CBL: variants seen among roughly 807,000 people sequenced by gnomAD.
CBL encodes the protein E3 ubiquitin-protein ligase CBL.
Under a neutral mutation model 96.9 loss-of-function variants are expected in CBL, and 45 were observed. That is an observed-to-expected ratio of 0.46 (90% CI 0.37 to 0.60). The LOEUF (loss-of-function observed/expected upper bound fraction) is 0.60. CBL is among the 20% of genes least tolerant of loss of function. CBL has a pLI of 0.00. For synonymous variants in CBL, 420 were observed against 426.8 expected, an observed-to-expected ratio of 0.98 and a Z score of 0.20; for missense variants, 1,024 against 1,143.5, an observed-to-expected ratio of 0.90 and a Z score of 1.51.
chr11:119,220,772 AAGTATACTGT>A (rs1260867175), intron 1 of CBL, among the ~76,000 whole-genome samples: 1 of 152,154 alleles, frequency 6.6e-6, no homozygotes, highest in African/African-American at 2.4e-5. Flanking sequence ...GATATTTGAG[AAGTATACTGT>A]AGTAACTACA....
intron 2 of CBL, among the ~76,000 whole-genome samples, chr11:119,255,525 ATATATT>A (rs1476936957): frequency 2.6e-5 from 4 of 152,056 alleles, no homozygotes; most frequent in Non-Finnish European, 5.9e-5. Flanking sequence ...GTCTGTAATT[ATATATT>A]TATAATTATA....
chr11:119,232,452 T>C lies in CBL; in HGVS notation c.200T>C (p.Val67Ala). ...CTTCTTTTTCATTTGTTGCAGGTGGTGCGGTTGTGTCAGAACCCAAAGCTG... is the reference window on the plus strand; with the variant it reads ...CTTCTTTTTCATTTGTTGCAGGTGGCGCGGTTGTGTCAGAACCCAAAGCTG... ...EKCWKLMDKV[V>A]RLCQNPKLAL... The change falls in exon 2 of 16, where the codon GTG (valine) becomes GCG (alanine). Residue 67 changes from valine to alanine, a missense_variant. Around this residue, in one of 4 missense-constraint regions of CBL, gnomAD observed 114 missense variants for 117.4 expected, o/e 0.97. Coordinates refer to ENST00000264033, the MANE Select transcript of CBL (RefSeq NM_005188.4). 1 of 1,613,672 alleles carries C rather than the reference T, an allele frequency of 6.2e-7. No individual in the cohort carries two copies. The highest frequency in any genetic ancestry group is 8.5e-7 in the Non-Finnish European group (1 of 1,180,008).
chr11:119,233,600 A>T (rs1351024347), intron 2 of CBL, among the ~76,000 whole-genome samples: 12 of 152,238 alleles, frequency 7.9e-5, no homozygotes, highest in Admixed American at 7.9e-4. Flanking sequence ...TAGCTGTCGT[A>T]AATTACATAC....
chr11:119,295,075 A>G (rs1460853389), intron 12 of CBL, among the ~76,000 whole-genome samples: 3 of 152,218 alleles, frequency 2.0e-5, no homozygotes, highest in Non-Finnish European at 2.9e-5. Context: ...GAACAGATCT[A>G]TTGTAGTAGA....
In CBL at chr11:119,281,054, T is replaced by C. The variant is rs144225896; in HGVS notation, c.1431+2341T>C. 8.9e-3 allele frequency among the ~76,000 whole-genome samples: 1,361 copies of C among 152,332 alleles called. 21 individuals carry two copies. The highest frequency in any genetic ancestry group is 0.031 in the African/African-American group (1,275 of 41,556). ...TCTCAAACATCCTCTCAATATAGTT[T>C]CTATGAAATAAAATCTGTTAGTATA... On this transcript the variant is annotated intron_variant, in intron 9 of 15. Transcript: ENST00000264033.
At chr11:119,236,256 C>T (rs1171372139) in intron 2 of CBL, among the ~76,000 whole-genome samples, 3 of 152,062 alleles carry the variant, frequency 2.0e-5, no homozygotes, top group Non-Finnish European at 4.4e-5. Context: ...GCTTGGTAAT[C>T]ACTAATACCT....
intron 1 of CBL, among the ~76,000 whole-genome samples, chr11:119,231,387 A>G (rs569721627): frequency 6.6e-6 from 1 of 152,008 alleles, no homozygotes; most frequent in East Asian, 1.9e-4. Flanking sequence ...AGCCTGGGCA[A>G]AAAGAGCAAA....
chr11:119,228,873 T>C (rs1949480152), intron 1 of CBL, among the ~76,000 whole-genome samples: 1 of 151,404 alleles, frequency 6.6e-6, no homozygotes, highest in Non-Finnish European at 1.5e-5. Flanking sequence ...TGCAGTGGCG[T>C]GGTCTTGGCT....
rs117204536 is a variant in CBL, at chr11:119,287,856, T to C, written c.1946T>C (p.Met649Thr). 6.2e-6 allele frequency: 10 copies of C among 1,606,558 alleles called. No individual in the cohort carries two copies. The highest frequency in any genetic ancestry group is 6.8e-6 in the Non-Finnish European group (8 of 1,173,082). Residue 649 changes from methionine (M) to threonine (T), a missense_variant, in exon 12 of 16, where the codon ATG becomes ACG. This residue lies in a region of CBL where 695 missense variants were observed against 661.6 expected (regional missense o/e 1.05). Transcript: ENST00000264033. ...STFSLDTSMSMNSSPLVGPEC... is the reference protein window; with the variant it reads ...STFSLDTSMSTNSSPLVGPEC... ...ACACTTTTCTTTACTTTCCAGAGTA[T>C]GAATAGCAGCCCATTAGTAGGTCCA...
intron 9 of CBL, among the ~76,000 whole-genome samples, chr11:119,279,339 CT>C (rs751838045): frequency 6.6e-6 from 1 of 152,032 alleles, no homozygotes; most frequent in East Asian, 1.9e-4. Context: ...ATCTCTACCC[CT>C]GACTCCAAAA....
chr11:119,258,400 A>G (rs1226716120), intron 2 of CBL, among the ~76,000 whole-genome samples: 1 of 152,192 alleles, frequency 6.6e-6, no homozygotes, highest in African/African-American at 2.4e-5. Context: ...AGCAGGCACC[A>G]TGGCCCGAGC....
chr11:119,243,692 T>A (rs1949604457), intron 2 of CBL, among the ~76,000 whole-genome samples: 1 of 152,088 alleles, frequency 6.6e-6, no homozygotes, highest in African/African-American at 2.4e-5. Flanking sequence ...TTACAGGTGG[T>A]TTAAATTTTC....
chr11:119,231,901 G>C (rs1419659500), intron 1 of CBL, among the ~76,000 whole-genome samples: 1 of 151,060 alleles, frequency 6.6e-6, no homozygotes, highest in Non-Finnish European at 1.5e-5. Context: ...TTGAGCTCAG[G>C]AGTTTGGGTC....
Position 119,225,145 on chromosome 11 carries a change from T to A in CBL, c.196-7303T>A, listed in dbSNP as rs189235229. Among the ~76,000 whole-genome samples, 864 of 150,490 alleles carry A rather than the reference T, an allele frequency of 5.7e-3. 8 individuals carry two copies. The highest frequency in any genetic ancestry group is 0.016 in the African/African-American group (664 of 40,932). On this transcript the variant is annotated intron_variant, in intron 1 of 15. Coordinates refer to ENST00000264033, the MANE Select transcript of CBL (RefSeq NM_005188.4). ...GAGTCTTGCTCTGTTGCCCAGGCTA[T>A]GAGTGCAGTGGCGTGATCTCGGCTC... is the stretch of plus-strand genomic sequence containing the variant.
intron 2 of CBL, among the ~76,000 whole-genome samples, chr11:119,255,082 A>T (rs1459590672): frequency 1.3e-5 from 2 of 152,124 alleles, no homozygotes; most frequent in African/African-American, 4.8e-5. Context: ...ACTGGGCTCC[A>T]TGAAAGAATT....
At chr11:119,211,466 A>G (rs751870807) in intron 1 of CBL, among the ~76,000 whole-genome samples, 6 of 152,104 alleles carry the variant, frequency 3.9e-5, no homozygotes, top group Non-Finnish European at 8.8e-5. Context: ...TGCTGGGCAC[A>G]CACTAAGTCT....
At chr11:119,206,881 G>A (rs1949274111) in intron 1 of CBL, among the ~76,000 whole-genome samples, 1 of 152,260 alleles carries the variant, frequency 6.6e-6, no homozygotes, top group East Asian at 1.9e-4. Context: ...TGGGGGCTGG[G>A]GCGAAGGTTA....
chr11:119,296,101 G>A (rs561337461), intron 12 of CBL, among the ~76,000 whole-genome samples: 34 of 152,284 alleles, frequency 2.2e-4, no homozygotes, highest in Admixed American at 1.0e-3. Flanking sequence ...ACTTATGTGT[G>A]TATTATAAAT....
At chr11:119,298,816 C>A (rs1301370602) in intron 15 of CBL, among the ~76,000 whole-genome samples, 1 of 152,210 alleles carries the variant, frequency 6.6e-6, no homozygotes, top group Admixed American at 6.5e-5. Flanking sequence ...CCTTATGACA[C>A]TGGTAATTAG....
Sources: gnomAD v4.1 joint callset for allele counts (sites outside exome capture counted in the v4.1 genomes callset) on GRCh38, gnomAD v4.1.1 for gene constraint, gnomAD v4.1.1 regional missense constraint, MANE v1.5 for transcripts, NCBI Gene and HGNC (gene_info 2026-07-23, HGNC 2026-07-21) for gene names.